The following NXPE4 variants were observed in gnomAD, a reference collection of about 807,000 sequenced individuals.
NXPE4 encodes NXPE family member 4.
NXPE4 carries 42 observed loss-of-function variants against 33.3 expected under a neutral mutation model. That is an observed-to-expected ratio of 1.26 (90% confidence interval 0.98 to 1.63). NXPE4 has a LOEUF of 1.63. Among genes scored for constraint, NXPE4 ranks in the 40% most tolerant of loss-of-function variants. NXPE4 has a pLI of 0.00. For missense variants in NXPE4, 709 were observed against 647.6 expected, an observed-to-expected ratio of 1.09 and a Z score of -1.03; for synonymous variants, 253 against 234.9, an observed-to-expected ratio of 1.08 and a Z score of -0.71.
chr11:114,571,144 T>A lies in NXPE4; in HGVS notation c.1429A>T (p.Ile477Phe). 1 of 1,613,956 alleles carries A rather than the reference T, an allele frequency of 6.2e-7. No individual in the cohort carries two copies. The highest frequency in any genetic ancestry group is 8.5e-7 in the Non-Finnish European group (1 of 1,179,908). The change falls in exon 6 of 6, where the codon ATC becomes TTC. Residue 477 changes from isoleucine (I) to phenylalanine (F), a missense_variant. Ile to Phe is a conservative substitution (Grantham distance 21, BLOSUM62 0). Coordinates refer to ENST00000375478, the MANE Select transcript of NXPE4 (RefSeq NM_001077639.2). ...DTMVIIKTEN[I>F]REMYNDAERF... is the part of the protein sequence containing the mutation. The stretch of plus-strand genomic sequence containing the variant: ...TCTGCATCATTGTACATCTCCCTGA[T>A]GTTTTCTGTTTTGATGATAACCATA...
intron 5 of NXPE4, among the ~76,000 whole-genome samples, chr11:114,575,884 C>T (rs562817180): frequency 2.6e-5 from 4 of 152,178 alleles, no homozygotes; most frequent in Admixed American, 1.3e-4. Flanking sequence ...AAAGAGCCCA[C>T]ATAGACAAAG....
chr11:114,620,732 A>T, the NXPE4 span, among the ~76,000 whole-genome samples: 9 of 151,740 alleles, frequency 5.9e-5, no homozygotes, highest in South Asian at 1.7e-3. Context: ...GGGTAACCAC[A>T]GTTACCCGAT....
the NXPE4 span, among the ~76,000 whole-genome samples, chr11:114,674,090 AAAACAAACAAACAAACAAAC>A: frequency 6.7e-4 from 89 of 131,890 alleles, no homozygotes; most frequent in African/African-American, 2.3e-3. Context: ...ACATTGTTTA[AAAACAAACAAACAAACAAAC>A]AAACAAACAA....
At chr11:114,576,736 GT>G (rs1167995488) in intron 5 of NXPE4, among the ~76,000 whole-genome samples, 1 of 151,938 alleles carries the variant, frequency 6.6e-6, no homozygotes, top group Non-Finnish European at 1.5e-5. Flanking sequence ...TACACTGTTG[GT>G]GGGAATGTAA....
chr11:114,652,113 G>C, the NXPE4 span, among the ~76,000 whole-genome samples: 1 of 152,054 alleles, frequency 6.6e-6, no homozygotes, highest in African/African-American at 2.4e-5. Context: ...CTACTGCCTA[G>C]AGTGTTTCAC....
the NXPE4 span, among the ~76,000 whole-genome samples, chr11:114,623,689 G>A: frequency 9.2e-5 from 14 of 152,068 alleles, no homozygotes; most frequent in South Asian, 6.2e-4. Context: ...GCATTGCCTC[G>A]TGGGAAAACA....
chr11:114,586,801 G>A (rs1949310439), intron 2 of NXPE4, among the ~76,000 whole-genome samples: 1 of 152,068 alleles, frequency 6.6e-6, no homozygotes, highest in Admixed American at 6.6e-5. Context: ...CAACTTCCAT[G>A]TCTCCTATCC....
chr11:114,666,693 A>G, the NXPE4 span, among the ~76,000 whole-genome samples: 1 of 152,238 alleles, frequency 6.6e-6, no homozygotes, highest in South Asian at 2.1e-4. Context: ...AATAATTTCT[A>G]AAGAGGTATT....
At chr11:114,606,042 G>T in the NXPE4 span, among the ~76,000 whole-genome samples, 1 of 145,862 alleles carries the variant, frequency 6.9e-6, no homozygotes, top group Non-Finnish European at 1.5e-5. Flanking sequence ...GGATAATAAG[G>T]TCTGCCTCGT....
chr11:114,671,339 A>AGAG, the NXPE4 span, among the ~76,000 whole-genome samples: 1 of 4,126 alleles, frequency 2.4e-4, no homozygotes. Context: ...TAGAGGAATT[A>AGAG]GGAGAGGATA....
chr11:114,629,485 A>C, the NXPE4 span, among the ~76,000 whole-genome samples: 1 of 151,364 alleles, frequency 6.6e-6, no homozygotes, highest in African/African-American at 2.4e-5. Context: ...TCATGCTAAA[A>C]ACTCTCAATA....
In NXPE4 at chr11:114,582,303, T is replaced by C. The variant is rs775800914; in HGVS notation, c.815A>G (p.Lys272Arg). The part of the protein sequence containing the change: ...KKVSYLSKQE[K>R]SLFERSNVGV... ...TTATTTTTACCTTTCAAAGAGGCTCTTTTCTTGTTTGCTAAGATAAGAAAC... is the reference window on the plus strand; with the variant it reads ...TTATTTTTACCTTTCAAAGAGGCTCCTTTCTTGTTTGCTAAGATAAGAAAC... Residue 272 changes from lysine to arginine, a missense_variant, in exon 3 of 6, where the codon AAG (lysine) becomes AGG (arginine). By Grantham distance (26) the Lys-to-Arg change is conservative. Coordinates refer to ENST00000375478, the MANE Select transcript of NXPE4 (RefSeq NM_001077639.2). 8.2e-6 allele frequency: 13 copies of C among 1,578,056 alleles called. No individual in the cohort carries two copies. Among genetic ancestry groups the C allele is most frequent in the Non-Finnish European group, 1.1e-5 (13 of 1,163,838 alleles).
At chr11:114,573,004 C>G (rs558451379) in intron 5 of NXPE4, among the ~76,000 whole-genome samples, 1 of 152,298 alleles carries the variant, frequency 6.6e-6, no homozygotes, top group African/African-American at 2.4e-5. Context: ...ATCAGATTAA[C>G]AGCTGATTTC....
the NXPE4 span, among the ~76,000 whole-genome samples, chr11:114,641,972 A>T: frequency 6.6e-6 from 1 of 152,086 alleles, no homozygotes; most frequent in African/African-American, 2.4e-5. Flanking sequence ...GTGGTATATA[A>T]CAACACAATT....
chr11:114,602,135 C>G, the NXPE4 span, among the ~76,000 whole-genome samples: 1 of 98,878 alleles, frequency 1.0e-5, no homozygotes, highest in African/African-American at 4.2e-5. Context: ...TTATACATAA[C>G]ATATACTATA....
At chr11:114,572,019 C>T (rs1948900916) in intron 5 of NXPE4, among the ~76,000 whole-genome samples, 1 of 152,194 alleles carries the variant, frequency 6.6e-6, no homozygotes, top group African/African-American at 2.4e-5. Context: ...GCTAACTCCA[C>T]TGGAGCAGGT....
chr11:114,647,829 G>A, the NXPE4 span, among the ~76,000 whole-genome samples: 35 of 151,960 alleles, frequency 2.3e-4, no homozygotes, highest in Non-Finnish European at 8.8e-5. Flanking sequence ...AGCCTTCTAA[G>A]TAGCTAAGAT....
the NXPE4 span, among the ~76,000 whole-genome samples, chr11:114,663,637 C>CTATCATCTATCATCT: frequency 8.6e-5 from 12 of 138,754 alleles, no homozygotes; most frequent in Non-Finnish European, 1.4e-4. Context: ...ATCTATCTAT[C>CTATCATCTATCATCT]ATCTATCCAT....
the NXPE4 span, among the ~76,000 whole-genome samples, chr11:114,650,729 C>A: frequency 6.6e-6 from 1 of 152,128 alleles, no homozygotes; most frequent in Non-Finnish European, 1.5e-5. Flanking sequence ...CCAAGACCAA[C>A]CATGGATACA....
Sources: gnomAD v4.1 joint callset for allele counts (sites outside exome capture counted in the v4.1 genomes callset) on GRCh38, gnomAD v4.1.1 for gene constraint, MANE v1.5 for transcripts, NCBI Gene and HGNC (gene_info 2026-07-23, HGNC 2026-07-21) for gene names.